Variants in SCD5 observed in about 807,000 individuals in gnomAD.
SCD5 encodes stearoyl-CoA desaturase 5.
In SCD5, 20 loss-of-function variants were observed where a neutral mutation model predicts 30.4. The ratio of observed to expected loss-of-function variants is 0.66; its 90% confidence interval spans 0.46 to 0.96. The LOEUF (loss-of-function observed/expected upper bound fraction) is 0.96. Among genes scored for constraint, SCD5 ranks in the 40% least tolerant of loss-of-function variants. SCD5 has a pLI of 0.00. For missense variants in SCD5, 381 were observed against 443.3 expected (o/e 0.86, Z 1.26); for synonymous variants, 173 against 176.4 (o/e 0.98, Z 0.16).
At position 82,631,272 on chromosome 4, in the gene SCD5, C is replaced by T; in HGVS notation, c.*55G>A. On this transcript the variant is annotated 3_prime_UTR_variant, in exon 5 of 5. Transcript: ENST00000319540. ...CCAATGTACAAGAGAGCTATTGTAA[C>T]CAAAGCCATGAACCGAGGTTGCAAC... 6.5e-7 allele frequency: 1 copy of T among 1,534,696 alleles called. No homozygotes were observed. The highest frequency in any genetic ancestry group is 8.9e-7 in the Non-Finnish European group (1 of 1,123,584).
chr4:82,678,866 T>G (rs1728490816), intron 3 of SCD5, among the ~76,000 whole-genome samples: 1 of 152,034 alleles, frequency 6.6e-6, no homozygotes, highest in South Asian at 2.1e-4. Flanking sequence ...TTTACACTCA[T>G]AGTGAAAATC....
Position 82,770,682 on chromosome 4 carries a change from C to T in SCD5, c.232+27624G>A, listed in dbSNP as rs577219393. On this transcript the variant is annotated intron_variant, in intron 1 of 4. Transcript: ENST00000319540. ...GGCTGCCAGGGCTCTGCACATGTCC[C>T]CTTGGCTCTTACCGTTCCTATCTGT... is the stretch of plus-strand genomic sequence containing the variant. Among the ~76,000 whole-genome samples the T allele has an allele frequency of 5.9e-5, 9 of 152,298 alleles. No individual in the cohort carries two copies. The East Asian group carries it at 1.7e-3, about 29-fold the overall frequency.
chr4:82,781,583 C>A (rs1721875344), intron 1 of SCD5, among the ~76,000 whole-genome samples: 1 of 152,062 alleles, frequency 6.6e-6, no homozygotes, highest in Non-Finnish European at 1.5e-5. Context: ...ATTCCCAGTG[C>A]CACAGTGTTG....
chr4:82,796,746 G>C lies in SCD5; in HGVS notation c.232+1560C>G, dbSNP rs79682585. Among the ~76,000 whole-genome samples, 1,121 of 152,306 alleles carry C rather than the reference G, an allele frequency of 7.4e-3. 16 individuals carry two copies. Among genetic ancestry groups the C allele is most frequent in the Middle Eastern group, 0.01 (3 of 294 alleles). On this transcript the variant is annotated intron_variant, in intron 1 of 4. Transcript: ENST00000319540. ...AGCCCAGCCCTGCCTCTGGAAGCAG[G>C]GGGGAGAGAGGAGCTTGTTGGAGAA...
intron 2 of SCD5, among the ~76,000 whole-genome samples, chr4:82,682,792 G>A (rs1223634588): frequency 1.3e-5 from 2 of 152,122 alleles, no homozygotes; most frequent in African/African-American, 2.4e-5. Flanking sequence ...GGGACTACAG[G>A]TGTATGCCAC....
chr4:82,736,428 G>A (rs1305418925), intron 1 of SCD5, among the ~76,000 whole-genome samples: 1 of 151,706 alleles, frequency 6.6e-6, no homozygotes, highest in Non-Finnish European at 1.5e-5. Flanking sequence ...GGCCAACATG[G>A]TGAAACCTGT....
At chr4:82,695,541 G>A (rs1719679904) in intron 2 of SCD5, among the ~76,000 whole-genome samples, 2 of 152,204 alleles carry the variant, frequency 1.3e-5, no homozygotes, top group Non-Finnish European at 2.9e-5. Context: ...GGGAAAGCTA[G>A]GAGAAGAACA....
intron 2 of SCD5, among the ~76,000 whole-genome samples, chr4:82,696,356 G>T (rs1719695391): frequency 1.3e-5 from 2 of 152,172 alleles, no homozygotes; most frequent in African/African-American, 4.8e-5. Flanking sequence ...ATGGGAATTG[G>T]AACAGGATGA....
Position 82,763,792 on chromosome 4 carries a change from T to C in SCD5, c.232+34514A>G, listed in dbSNP as rs60191155. Among the ~76,000 whole-genome samples the C allele has an allele frequency of 6.1e-3, 932 of 152,370 alleles. 12 individuals are homozygous for C. Among genetic ancestry groups the C allele is most frequent in the Middle Eastern group, 0.034 (10 of 294 alleles). On this transcript the variant is annotated intron_variant, in intron 1 of 4. Transcript: ENST00000319540. The stretch of plus-strand genomic sequence containing the variant: ...GACACATCTCTTTATTTAACCCATC[T>C]AGTCTGTGGTATTTTGTTATAGCAG...
intron 1 of SCD5, among the ~76,000 whole-genome samples, chr4:82,741,859 G>C (rs534890757): frequency 1.8e-4 from 25 of 142,654 alleles, no homozygotes; most frequent in Admixed American, 2.8e-4. Context: ...TGGGCGGGGG[G>C]GGGGAGTGGG....
intron 1 of SCD5, among the ~76,000 whole-genome samples, chr4:82,781,608 T>C (rs754992033): frequency 2.0e-5 from 3 of 152,092 alleles, no homozygotes; most frequent in Non-Finnish European, 4.4e-5. Flanking sequence ...GCAGGCCTAA[T>C]GGGAGGTGTT....
At chr4:82,659,271 C>CA (rs1258141211) in intron 3 of SCD5, among the ~76,000 whole-genome samples, 1 of 151,796 alleles carries the variant, frequency 6.6e-6, no homozygotes, top group Non-Finnish European at 1.5e-5. Flanking sequence ...TTAATCTTTT[C>CA]AAAAAAACAG....
rs939238940 is a variant in SCD5, at chr4:82,798,337, G to A, written c.201C>T (p.Ile67=). The A allele has an allele frequency of 6.2e-7, 1 of 1,612,252 alleles. No homozygotes were observed. Among genetic ancestry groups the A allele is most frequent in the South Asian group, 1.1e-5 (1 of 90,740 alleles). ...HLGAVYSLVL[I]PKAKPLTLLW... is the part of the protein sequence containing the mutation. ...GCAGAGTGAGTGGCTTGGCTTTGGG[G>A]ATGAGCACCAGGGAGTACACGGCCC... The change falls in exon 1 of 5, where the codon ATC becomes ATT. Residue 67 remains isoleucine (I), a synonymous_variant. Transcript: ENST00000319540.
Position 82,680,827 on chromosome 4 carries a change from C to A in SCD5, c.449G>T (p.Gly150Val). Reference sequence around the variant, plus strand: ...CCACCCAATATGGGAGAAGAAGAAGCCCCGGCGGGCATTGTGGGGGTCAGC... The same window carrying A: ...CCACCCAATATGGGAGAAGAAGAAGACCCGGCGGGCATTGTGGGGGTCAGC... ...TDADPHNARR[G>V]FFFSHIGWLF... The change falls in exon 3 of 5, where the codon GGC (glycine) becomes GTC (valine). Residue 150 changes from glycine (G) to valine (V), a missense_variant. Transcript: ENST00000319540. 1 of 1,613,796 alleles carries A rather than the reference C, an allele frequency of 6.2e-7. No individual in the cohort carries two copies. The highest frequency in any genetic ancestry group is 2.2e-5 in the East Asian group (1 of 44,836).
intron 1 of SCD5, among the ~76,000 whole-genome samples, chr4:82,798,063 G>C (rs1037734701): frequency 8.0e-5 from 11 of 138,022 alleles, no homozygotes; most frequent in Admixed American, 6.6e-4. Context: ...CGCTTCCTCA[G>C]GCAGACCGCG....
At chr4:82,692,394 A>C (rs988372001) in intron 2 of SCD5, 7 of 156,368 alleles carry the variant, frequency 4.5e-5, no homozygotes, top group African/African-American at 1.7e-4. Context: ...ATCCTGGGGC[A>C]GGGGTGCCCT....
At position 82,680,899 on chromosome 4, in the gene SCD5, T is replaced by C; in HGVS notation, c.377A>G (p.Glu126Gly). 6.2e-7 allele frequency: 1 copy of C among 1,611,842 alleles called. No homozygotes were observed. The highest frequency in any genetic ancestry group is 1.1e-5 in the South Asian group (1 of 91,022). The part of the protein sequence containing the change: ...NSMAFQNDIF[E>G]WSRDHRAHHK... ...GTGGGCTCGGTGGTCCCTGGACCAC[T>C]CGAAGATGTCATTCTGCAGAGAGAA... The change falls in exon 3 of 5, where the codon GAG becomes GGG. Residue 126 changes from glutamate (E) to glycine (G), a missense_variant. Coordinates refer to ENST00000319540, the MANE Select transcript of SCD5 (RefSeq NM_001037582.3).
chr4:82,789,861 A>G (rs1722064008), intron 1 of SCD5, among the ~76,000 whole-genome samples: 1 of 152,222 alleles, frequency 6.6e-6, no homozygotes, highest in South Asian at 2.1e-4. Context: ...AGCAGTGGAA[A>G]GAGTACAGGT....
At chr4:82,697,049 C>A (rs1405100) in intron 2 of SCD5, among the ~76,000 whole-genome samples, 126,798 of 152,188 alleles carry the variant, frequency 0.83, 53,030 homozygotes, top group East Asian at 0.99. Flanking sequence ...GGTTCTAAGA[C>A]AAAGAAAGGT....
Sources: allele counts gnomAD v4.1 joint callset (sites outside exome capture counted in the v4.1 genomes callset), GRCh38; gene constraint gnomAD v4.1.1; transcripts MANE v1.5; gene names NCBI Gene and HGNC (gene_info 2026-07-23, HGNC 2026-07-21).